Variants in GRIP1 observed in about 807,000 individuals in gnomAD.
GRIP1 encodes the protein glutamate receptor interacting protein 1, also known as glutamate receptor-interacting protein 1.
A neutral mutation model predicts 129.9 loss-of-function variants in GRIP1; 45 were observed. The observed-to-expected ratio is 0.35, with a 90% CI of 0.27 to 0.44. GRIP1 has a LOEUF of 0.44. Ranked by LOEUF, GRIP1 falls within the 20% of genes least tolerant of loss-of-function variation. The pLI is 1.00. For missense variants in GRIP1, 1,196 were observed against 1,396.8 expected (o/e 0.86, Z 2.29); for synonymous variants, 530 against 520.8 (o/e 1.02, Z -0.24).
chr12:66,800,285 C>A (rs183558051), intron 1 of GRIP1, among the ~76,000 whole-genome samples: 1 of 152,258 alleles, frequency 6.6e-6, no homozygotes, highest in East Asian at 1.9e-4. Context: ...TCCCAGACAG[C>A]TTTTCTTCAA....
At chr12:66,601,837 A>G (rs1243479460) in intron 1 of GRIP1, among the ~76,000 whole-genome samples, 1 of 152,244 alleles carries the variant, frequency 6.6e-6, no homozygotes, top group East Asian at 1.9e-4. Context: ...TGTCCCTTGA[A>G]TTCAATTAAA....
At chr12:66,505,274 G>C (rs2060497194) in intron 7 of GRIP1, among the ~76,000 whole-genome samples, 1 of 152,180 alleles carries the variant, frequency 6.6e-6, no homozygotes, top group Non-Finnish European at 1.5e-5. Context: ...TTGCTGTCTT[G>C]AAGATGGAGG....
chr12:66,575,597 A>G (rs546557805), intron 2 of GRIP1, among the ~76,000 whole-genome samples: 2 of 152,334 alleles, frequency 1.3e-5, no homozygotes, highest in African/African-American at 4.8e-5. Flanking sequence ...CTGGCCTCCT[A>G]GAAAGAATAG....
chr12:66,707,524 AAAAG>A (rs1247257431), intron 1 of GRIP1, among the ~76,000 whole-genome samples: 4 of 151,390 alleles, frequency 2.6e-5, no homozygotes, highest in African/African-American at 9.7e-5. Flanking sequence ...AAAAAAAAAA[AAAAG>A]ATGTGGAAAA....
intron 4 of GRIP1, among the ~76,000 whole-genome samples, chr12:66,537,978 G>C (rs1410517868): frequency 1.3e-5 from 2 of 152,138 alleles, no homozygotes; most frequent in African/African-American, 2.4e-5. Flanking sequence ...TGTGGTTTCA[G>C]TTACCTCCAA....
At chr12:66,639,759 C>T (rs768588634) in intron 1 of GRIP1, among the ~76,000 whole-genome samples, 9 of 152,148 alleles carry the variant, frequency 5.9e-5, no homozygotes, top group Non-Finnish European at 1.2e-4. Flanking sequence ...TTCAAATATC[C>T]TCATTGCCAT....
At chr12:66,705,690 A>T (rs906844470) in intron 1 of GRIP1, among the ~76,000 whole-genome samples, 2 of 152,172 alleles carry the variant, frequency 1.3e-5, no homozygotes, top group African/African-American at 2.4e-5. Flanking sequence ...ACAGCATGGT[A>T]CTGGTACCAA....
chr12:66,585,499 T>C (rs1362346835), intron 2 of GRIP1, among the ~76,000 whole-genome samples: 1 of 138,626 alleles, frequency 7.2e-6, no homozygotes, highest in Non-Finnish European at 1.6e-5. Context: ...ATCCAGTCTA[T>C]CATTGTTGGA....
At chr12:66,742,242 G>T (rs564938285) in intron 1 of GRIP1, among the ~76,000 whole-genome samples, 1 of 152,072 alleles carries the variant, frequency 6.6e-6, no homozygotes, top group African/African-American at 2.4e-5. Context: ...ATTTTTACTG[G>T]AAGCCACCTC....
At position 66,402,752 on chromosome 12, in the gene GRIP1, A is replaced by T. The variant is rs1012815140; in HGVS notation, c.1984+3531T>A. 3.3e-5 allele frequency among the ~76,000 whole-genome samples: 5 copies of T among 152,230 alleles called. No individual in the cohort carries two copies. The East Asian group carries it at 9.6e-4, about 29-fold the overall frequency. On this transcript the variant is annotated intron_variant, in intron 16 of 24. Transcript: ENST00000359742. The stretch of plus-strand genomic sequence containing the variant: ...TTACCATTCAAAAATATTGAGACGA[A>T]GCATGACAACTATTTAATGTGATAG...
At chr12:66,756,912 C>G (rs756168444) in intron 1 of GRIP1, among the ~76,000 whole-genome samples, 6 of 152,110 alleles carry the variant, frequency 3.9e-5, no homozygotes, top group Non-Finnish European at 7.4e-5. Context: ...CTATCTCAGT[C>G]AAATCCATCT....
At chr12:66,366,310 T>G (rs1182163008) in intron 23 of GRIP1, among the ~76,000 whole-genome samples, 1 of 152,200 alleles carries the variant, frequency 6.6e-6, no homozygotes. Context: ...CTCAGAGAGA[T>G]ATTGCAAAAG....
At chr12:66,494,141 C>G (rs935584966) in intron 7 of GRIP1, among the ~76,000 whole-genome samples, 3 of 152,166 alleles carry the variant, frequency 2.0e-5, no homozygotes, top group Non-Finnish European at 4.4e-5. Flanking sequence ...CCTTCTTACT[C>G]AGAACTCTCT....
intron 1 of GRIP1, among the ~76,000 whole-genome samples, chr12:66,858,942 T>C (rs1041483137): frequency 2.0e-5 from 3 of 151,912 alleles, no homozygotes; most frequent in African/African-American, 4.8e-5. Flanking sequence ...AGCTCTTCCG[T>C]TAAAGAATGA....
At chr12:66,881,615 G>T (rs1592926118) in intron 1 of GRIP1, among the ~76,000 whole-genome samples, 3 of 152,104 alleles carry the variant, frequency 2.0e-5, no homozygotes, top group African/African-American at 7.2e-5. Context: ...TCCAAGGATT[G>T]CAGAAATGAA....
chr12:66,559,097 G>A (rs2062429617), intron 2 of GRIP1, among the ~76,000 whole-genome samples: 1 of 151,160 alleles, frequency 6.6e-6, no homozygotes, highest in Non-Finnish European at 1.5e-5. Flanking sequence ...CTCAATTGAT[G>A]CTGAAAAAGC....
At chr12:67,018,083 G>C (rs1457898580) in intron 1 of GRIP1, among the ~76,000 whole-genome samples, 2 of 152,074 alleles carry the variant, frequency 1.3e-5, no homozygotes, top group African/African-American at 4.8e-5. Flanking sequence ...GTCCTCTGTC[G>C]TCCTGGTCTC....
At position 66,781,981 on chromosome 12, in the gene GRIP1, A is replaced by G. The variant is rs150657008; in HGVS notation, c.-420+22072T>C. Among the ~76,000 whole-genome samples, 300 of 152,332 alleles carry G rather than the reference A, an allele frequency of 2.0e-3. 1 individual carries two copies. The highest frequency in any genetic ancestry group is 3.3e-3 in the Non-Finnish European group (226 of 68,020). On this transcript the variant is annotated intron_variant, in intron 1 of 4. Coordinates refer to the GRIP1 transcript ENST00000538373. ...TGATGATTTCATTTATATAAACTTC[A>G]AAAACATGCAAAAGTAATCTATAAC...
intron 4 of GRIP1, among the ~76,000 whole-genome samples, chr12:66,537,145 C>T (rs2061629799): frequency 6.6e-6 from 1 of 152,126 alleles, no homozygotes. Flanking sequence ...TAGTGCCAGG[C>T]ACTATTCTAA....
Sources: gnomAD v4.1 joint callset for allele counts (sites outside exome capture counted in the v4.1 genomes callset) on GRCh38, gnomAD v4.1.1 for gene constraint, MANE v1.5 for transcripts, NCBI Gene and HGNC (gene_info 2026-07-23, HGNC 2026-07-21) for gene names.